Variants in PLA2G4A observed in about 807,000 individuals in gnomAD.
PLA2G4A encodes the protein phospholipase A2 group IVA, also known as cytosolic phospholipase A2.
In PLA2G4A, 40 loss-of-function variants were observed where a neutral mutation model predicts 81.9. The ratio of observed to expected loss-of-function variants is 0.49; its 90% CI spans 0.38 to 0.64. The LOEUF (loss-of-function observed/expected upper bound fraction) is 0.64, where lower values mean the gene tolerates loss of function less well. PLA2G4A is among the 30% of genes least tolerant of loss of function. The pLI is 0.00. For missense variants in PLA2G4A, 715 were observed against 905.1 expected (o/e 0.79, Z 2.69); for synonymous variants, 302 against 296.9 (o/e 1.02, Z -0.18).
At chr1:186,871,865 T>C (rs555112773) in intron 3 of PLA2G4A, among the ~76,000 whole-genome samples, 2 of 152,234 alleles carry the variant, frequency 1.3e-5, no homozygotes, top group East Asian at 1.9e-4. Context: ...AGGTTTTTCT[T>C]TTTTTTCAAA....
intron 6 of PLA2G4A, among the ~76,000 whole-genome samples, chr1:186,909,660 C>CA (rs377504921): frequency 0.37 from 41,793 of 112,570 alleles, 8,336 homozygotes; most frequent in Non-Finnish European, 0.48. Context: ...AACTCCGTCT[C>CA]AAAAAAAAAA....
rs1466693929 is a variant in PLA2G4A at position 186,979,413 on chromosome 1, A to G, written c.2059A>G (p.Asn687Asp). Residue 687 changes from asparagine to aspartate, a missense_variant, in exon 17 of 18, where the codon AAT becomes GAT. Asn to Asp is a conservative substitution (Grantham distance 23). Transcript: ENST00000367466. ...PFSTFNFQYP[N>D]QAFKRLHDLM... is the part of the protein sequence containing the mutation. ...TTCAACCTTCAATTTTCAATATCCA[A>G]ATCAAGCATTCAAAAGACTACATGA... 3.1e-6 allele frequency: 5 copies of G among 1,602,906 alleles called. No homozygotes were observed. In the Admixed American group the frequency reaches 5.0e-5, roughly 16 times the overall value.
chr1:186,946,439 A>C (rs554624714), intron 10 of PLA2G4A, among the ~76,000 whole-genome samples, 198 bp from the exon 11 acceptor site: 15 of 106,870 alleles, frequency 1.4e-4, no homozygotes, highest in Admixed American at 1.1e-3. Flanking sequence ...GTCTTGTCTT[A>C]TTCACCTCTA....
Position 186,977,517 on chromosome 1 carries a change from C to T in PLA2G4A, c.1765-76C>T, listed in dbSNP as rs1657574616. On this transcript the variant is annotated intron_variant, in intron 15 of 17. Coordinates refer to ENST00000367466, the MANE Select transcript of PLA2G4A (RefSeq NM_024420.3). Reference sequence around the variant, plus strand: ...TGGCACACAGTAGACACCTAGTGAACACTGAATTATGGTCAGACCAACTGA... The same window carrying T: ...TGGCACACAGTAGACACCTAGTGAATACTGAATTATGGTCAGACCAACTGA... 5 of 936,658 alleles carry T rather than the reference C, an allele frequency of 5.3e-6. No homozygotes were observed. In the Admixed American group the frequency reaches 9.1e-5, roughly 17 times the overall value. 58.0% of individuals were successfully genotyped at this position (936,658 alleles called of 1,614,324 possible).
rs989171766 is a variant in PLA2G4A at position 186,943,464 on chromosome 1, T to G, written c.1034-3173T>G. On this transcript the variant is annotated intron_variant, in intron 10 of 17. Coordinates refer to ENST00000367466, the MANE Select transcript of PLA2G4A (RefSeq NM_024420.3). ...AATATAGTATTTTTCCTCAAGAAAGTTATAATCCTATTGAAAGAGACAAAA... is the reference window on the plus strand; with the variant it reads ...AATATAGTATTTTTCCTCAAGAAAGGTATAATCCTATTGAAAGAGACAAAA... Among the ~76,000 whole-genome samples, 6 of 152,306 alleles carry G rather than the reference T, an allele frequency of 3.9e-5. No individual in the cohort carries two copies. The South Asian group carries it at 8.3e-4, about 21-fold the overall frequency.
chr1:186,921,633 A>T (rs1265483132), intron 7 of PLA2G4A, among the ~76,000 whole-genome samples: 1 of 151,890 alleles, frequency 6.6e-6, no homozygotes, highest in African/African-American at 2.4e-5. Flanking sequence ...GGGTGTGGTT[A>T]TCTGGTGGAG....
chr1:186,846,746 T>C (rs1273060041), intron 1 of PLA2G4A, among the ~76,000 whole-genome samples: 4 of 152,196 alleles, frequency 2.6e-5, no homozygotes, highest in African/African-American at 9.6e-5. Context: ...CTGTTTTCCA[T>C]GTCTCTTTTT....
At chr1:186,836,974 G>C (rs1651799707) in intron 1 of PLA2G4A, among the ~76,000 whole-genome samples, 1 of 152,210 alleles carries the variant, frequency 6.6e-6, no homozygotes, top group South Asian at 2.1e-4. Context: ...GAGGCGGTAA[G>C]TAGAGTGAGA....
intron 2 of PLA2G4A, among the ~76,000 whole-genome samples, chr1:186,859,244 G>A (rs1652710061): frequency 6.6e-6 from 1 of 152,098 alleles, no homozygotes; most frequent in African/African-American, 2.4e-5. Flanking sequence ...TTCCAATGGT[G>A]CTTGGATTTT....
chr1:186,875,825 A>G (rs10737271), intron 3 of PLA2G4A, among the ~76,000 whole-genome samples: 27,408 of 152,064 alleles, frequency 0.18, 4,083 homozygotes, highest in East Asian at 0.52. Flanking sequence ...TGGCATCCTC[A>G]TGGTGTAATA....
intron 7 of PLA2G4A, among the ~76,000 whole-genome samples, chr1:186,917,106 T>TG (rs35813341): frequency 0.29 from 44,407 of 151,756 alleles, 8,569 homozygotes; most frequent in African/African-American, 0.54. Context: ...TTTACAGCTG[T>TG]GGGGGTGTTC....
intron 1 of PLA2G4A, among the ~76,000 whole-genome samples, chr1:186,845,431 C>A (rs1652137584): frequency 6.6e-6 from 1 of 152,022 alleles, no homozygotes; most frequent in Non-Finnish European, 1.5e-5. Flanking sequence ...GGGCGATTTT[C>A]CCTACGTACA....
At chr1:186,838,751 AG>A (rs2102003147) in intron 1 of PLA2G4A, among the ~76,000 whole-genome samples, 1 of 152,256 alleles carries the variant, frequency 6.6e-6, no homozygotes, top group African/African-American at 2.4e-5. Context: ...TCTGAGTTGT[AG>A]CATACTCCTT....
intron 7 of PLA2G4A, among the ~76,000 whole-genome samples, chr1:186,924,002 C>A (rs1006836051): frequency 1.3e-5 from 2 of 152,134 alleles, no homozygotes; most frequent in Non-Finnish European, 2.9e-5. Flanking sequence ...TCTTTTGCAA[C>A]CTCCCTCGTA....
intron 1 of PLA2G4A, among the ~76,000 whole-genome samples, chr1:186,851,254 T>G (rs1443780368): frequency 1.3e-5 from 2 of 152,014 alleles, no homozygotes; most frequent in African/African-American, 4.8e-5. Context: ...TTTCAGCTTC[T>G]GGAGAGGGAG....
rs3060324 is a variant in PLA2G4A, at chr1:186,931,517, CTATTATTATTAT to C, written c.559-1216_559-1205del. ...TCCCAATTTAAAGCAAAAATGTTTG[CTATTATTATTAT>C]TATTATTATTATTATTATTATTATT... is the stretch of plus-strand genomic sequence containing the variant. On this transcript the variant is annotated intron_variant, in intron 7 of 17. Transcript: ENST00000367466. Among the ~76,000 whole-genome samples the C allele has an allele frequency of 2.2e-3, 322 of 144,850 alleles. 1 individual carries two copies. The highest frequency in any genetic ancestry group is 2.3e-3 in the African/African-American group (90 of 39,322).
chr1:186,829,919 G>C (rs151265990), intron 1 of PLA2G4A, among the ~76,000 whole-genome samples: 73 of 152,294 alleles, frequency 4.8e-4, no homozygotes, highest in Admixed American at 1.4e-3. Flanking sequence ...GAGGCGTACT[G>C]TCTGAATGGG....
chr1:186,911,299 T>G lies in PLA2G4A; in HGVS notation c.468T>G (p.Thr156=). The G allele has an allele frequency of 6.2e-7, 1 of 1,610,698 alleles. No individual in the cohort carries two copies. The highest frequency in any genetic ancestry group is 8.5e-7 in the Non-Finnish European group (1 of 1,176,960). The change falls in exon 7 of 18, where the codon ACT becomes ACG. Residue 156 remains threonine, a synonymous_variant. Transcript: ENST00000367466. ...FSMALCDQEK[T]FRQQRKEHIR... is the part of the protein sequence containing the mutation. ...TGGCTCTGTGTGATCAGGAGAAGAC[T>G]TTCAGACAACAGAGAAAAGAACACA...
In PLA2G4A at chr1:186,933,745, G is replaced by A. The variant is rs149912513; in HGVS notation, c.695+846G>A. ...GTTTCTGTGTCATTTTATCTTGTGA[G>A]ATGGGTATGAATTTATTCATTTTTA... On this transcript the variant is annotated intron_variant, in intron 8 of 17. Transcript: ENST00000367466. Among the ~76,000 whole-genome samples, 905 of 152,236 alleles carry A rather than the reference G, an allele frequency of 5.9e-3. 7 individuals are homozygous for A. The highest frequency in any genetic ancestry group is 0.02 in the African/African-American group (848 of 41,558).
Sources: gnomAD v4.1 joint callset for allele counts (sites outside exome capture counted in the v4.1 genomes callset) on GRCh38, gnomAD v4.1.1 for gene constraint, MANE v1.5 for transcripts, NCBI Gene and HGNC (gene_info 2026-07-23, HGNC 2026-07-21) for gene names.